Variants in ATF6 observed in about 807,000 individuals in gnomAD.
ATF6 encodes activating transcription factor 6.
In ATF6, 53 loss-of-function variants were observed where a neutral mutation model predicts 83.6. The ratio of observed to expected loss-of-function variants is 0.63; its 90% CI spans 0.51 to 0.80. ATF6 has a LOEUF of 0.80. Among genes scored for constraint, ATF6 ranks in the 30% least tolerant of loss-of-function variants. The pLI, the probability that ATF6 is intolerant of heterozygous loss-of-function variation, is 0.00. For synonymous variants in ATF6, 288 were observed against 285.8 expected (o/e 1.01, Z -0.08); for missense variants, 744 against 797.9 (o/e 0.93, Z 0.81).
chr1:161,865,442 G>A (rs1353063072), intron 14 of ATF6, among the ~76,000 whole-genome samples: 1 of 152,160 alleles, frequency 6.6e-6, no homozygotes, highest in East Asian at 1.9e-4. Flanking sequence ...ACAGGCATGA[G>A]CCACCGCGCC....
chr1:161,766,507 A>C, intron 1 of ATF6, 65 bp downstream of exon 1: 4 of 1,499,724 alleles, frequency 2.7e-6, no homozygotes, highest in Admixed American at 1.8e-5. Flanking sequence ...CTTCCTCCCT[A>C]CTTCCGCCCA....
At chr1:161,799,832 T>C (rs1232517811) in intron 6 of ATF6, among the ~76,000 whole-genome samples, 1 of 152,236 alleles carries the variant, frequency 6.6e-6, no homozygotes, top group African/African-American at 2.4e-5. Flanking sequence ...CAGATGTTCT[T>C]GACAAACAGG....
intron 2 of ATF6, among the ~76,000 whole-genome samples, chr1:161,781,338 T>A (rs946690755): frequency 6.6e-6 from 1 of 152,180 alleles, no homozygotes; most frequent in Admixed American, 6.5e-5. Context: ...CATAAAAGTT[T>A]TAGAAATTTA....
chr1:161,808,842 A>G (rs1685370459), intron 7 of ATF6, among the ~76,000 whole-genome samples: 2 of 151,954 alleles, frequency 1.3e-5, no homozygotes, highest in South Asian at 4.1e-4. Context: ...AAGTGCTGAG[A>G]TTACAGGCAT....
At chr1:161,898,105 A>C (rs1158485502) in intron 14 of ATF6, among the ~76,000 whole-genome samples, 3 of 152,194 alleles carry the variant, frequency 2.0e-5, no homozygotes, top group African/African-American at 7.2e-5. Context: ...ATAATGTACA[A>C]TTCAGTAAAA....
intron 15 of ATF6, among the ~76,000 whole-genome samples, chr1:161,946,124 A>G (rs1688742744): frequency 6.6e-6 from 1 of 152,090 alleles, no homozygotes; most frequent in African/African-American, 2.4e-5. Flanking sequence ...CCTCCTGAGT[A>G]GCTGGGACTA....
intron 15 of ATF6, among the ~76,000 whole-genome samples, chr1:161,917,389 T>C (rs1688120740): frequency 6.6e-6 from 1 of 152,026 alleles, no homozygotes; most frequent in African/African-American, 2.4e-5. Flanking sequence ...AGATACACCT[T>C]ATATACACAG....
chr1:161,943,928 G>A (rs1368937380), intron 15 of ATF6, among the ~76,000 whole-genome samples: 1 of 152,170 alleles, frequency 6.6e-6, no homozygotes, highest in Non-Finnish European at 1.5e-5. Context: ...AATGCTGTGA[G>A]GGTAGGGCTT....
intron 4 of ATF6, among the ~76,000 whole-genome samples, chr1:161,789,933 C>G (rs971823324): frequency 6.6e-6 from 1 of 152,146 alleles, no homozygotes; most frequent in Non-Finnish European, 1.5e-5. Flanking sequence ...AAGGAAGATG[C>G]AATTGTCACT....
At chr1:161,956,306 A>G (rs568766890) in intron 15 of ATF6, among the ~76,000 whole-genome samples, 4 of 152,272 alleles carry the variant, frequency 2.6e-5, no homozygotes, top group South Asian at 4.1e-4. Flanking sequence ...ACACACACGC[A>G]CACACAGCCC....
chr1:161,831,801 C>T (rs1383306176), intron 9 of ATF6, among the ~76,000 whole-genome samples: 2 of 31,176 alleles, frequency 6.4e-5, no homozygotes, highest in South Asian at 6.8e-4. Context: ...GTGGTGGGGT[C>T]GGGGGAGGGG....
chr1:161,950,707 T>G (rs1688845516), intron 15 of ATF6, among the ~76,000 whole-genome samples: 1 of 152,182 alleles, frequency 6.6e-6, no homozygotes, highest in Non-Finnish European at 1.5e-5. Context: ...AAAATGATTT[T>G]TTACCCCAAC....
chr1:161,872,658 C>T (rs559440656), intron 14 of ATF6, among the ~76,000 whole-genome samples: 1 of 151,502 alleles, frequency 6.6e-6, no homozygotes, highest in South Asian at 2.1e-4. Flanking sequence ...GATGTTATAG[C>T]GCTCCCTAAG....
chr1:161,871,531 T>C (rs1558004877), intron 14 of ATF6, among the ~76,000 whole-genome samples: 1 of 151,630 alleles, frequency 6.6e-6, no homozygotes, highest in Non-Finnish European at 1.5e-5. Context: ...TAATGATTGA[T>C]AGCTTAAAGT....
intron 10 of ATF6, among the ~76,000 whole-genome samples, chr1:161,851,143 C>CAT (rs1202847119): frequency 4.0e-4 from 58 of 145,366 alleles, no homozygotes; most frequent in African/African-American, 1.5e-3. Flanking sequence ...CCTTAACATA[C>CAT]ACACACACAC....
At chr1:161,927,556 G>T (rs2101899809) in intron 15 of ATF6, among the ~76,000 whole-genome samples, 1 of 152,258 alleles carries the variant, frequency 6.6e-6, no homozygotes, top group South Asian at 2.1e-4. Context: ...AGACATAAAT[G>T]TGTTAGAAGA....
At chr1:161,844,720 CT>C (rs201687068) in intron 9 of ATF6, among the ~76,000 whole-genome samples, 11 of 151,262 alleles carry the variant, frequency 7.3e-5, no homozygotes, top group Admixed American at 5.3e-4. Flanking sequence ...AAAGTAAACA[CT>C]TTTTTTTTAA....
intron 14 of ATF6, among the ~76,000 whole-genome samples, chr1:161,879,027 G>C (rs1046518963): frequency 6.6e-6 from 1 of 152,084 alleles, no homozygotes. Context: ...AAGAGAAGTC[G>C]AGTCCTTGAG....
chr1:161,953,014 A>G (rs1260980696), intron 15 of ATF6, among the ~76,000 whole-genome samples: 1 of 152,148 alleles, frequency 6.6e-6, no homozygotes, highest in African/African-American at 2.4e-5. Flanking sequence ...TTCCTCATCT[A>G]CAACATAGGA....
Sources: gnomAD v4.1 joint callset for allele counts (sites outside exome capture counted in the v4.1 genomes callset) on GRCh38, gnomAD v4.1.1 for gene constraint, MANE v1.5 for transcripts, NCBI Gene and HGNC (gene_info 2026-07-23, HGNC 2026-07-21) for gene names.